GRIP1: variants seen among roughly 807,000 people sequenced by gnomAD.
GRIP1 encodes glutamate receptor-interacting protein 1.
A neutral mutation model predicts 129.9 loss-of-function variants in GRIP1; 45 were observed. The observed-to-expected ratio is 0.35, with a 90% CI of 0.27 to 0.44. The LOEUF (loss-of-function observed/expected upper bound fraction) is 0.44. Among genes scored for constraint, GRIP1 ranks in the 20% least tolerant of loss-of-function variants. GRIP1 has a pLI of 1.00. For missense variants in GRIP1, 1,196 were observed against 1,396.8 expected (o/e 0.86, Z 2.29); for synonymous variants, 530 against 520.8 (o/e 1.02, Z -0.24).
intron 2 of GRIP1, among the ~76,000 whole-genome samples, chr12:66,543,369 G>A (rs540846093): frequency 3.3e-5 from 5 of 152,298 alleles, no homozygotes; most frequent in South Asian, 2.1e-4. Flanking sequence ...GAGTCTGAGC[G>A]TGTATGATGT....
At chr12:66,481,856 C>A (rs533647318) in intron 7 of GRIP1, among the ~76,000 whole-genome samples, 1 of 151,898 alleles carries the variant, frequency 6.6e-6, no homozygotes, top group African/African-American at 2.4e-5. Context: ...GAACAGGAAA[C>A]CAAACACCGC....
At chr12:67,027,853 G>T (rs921679332) in intron 1 of GRIP1, among the ~76,000 whole-genome samples, 1 of 152,196 alleles carries the variant, frequency 6.6e-6, no homozygotes, top group Non-Finnish European at 1.5e-5. Flanking sequence ...TAAAAAAACA[G>T]TTGAAACCTC....
intron 24 of GRIP1, among the ~76,000 whole-genome samples, chr12:66,352,266 C>T (rs1008277737): frequency 6.6e-5 from 10 of 152,158 alleles, no homozygotes; most frequent in South Asian, 2.1e-4. Flanking sequence ...CCCTTTTAGA[C>T]GGAGTGGTTT....
chr12:66,427,034 ACTAAGGT>A (rs1318896470), intron 14 of GRIP1, among the ~76,000 whole-genome samples: 24 of 152,084 alleles, frequency 1.6e-4, no homozygotes, highest in African/African-American at 5.3e-4. Flanking sequence ...GCATCTAAAG[ACTAAGGT>A]CATTCTTAGC....
intron 1 of GRIP1, among the ~76,000 whole-genome samples, chr12:66,789,607 G>A (rs572785755): frequency 3.5e-4 from 52 of 150,478 alleles, no homozygotes; most frequent in African/African-American, 1.2e-3. Flanking sequence ...TAATTAATTT[G>A]CTGTTTACTG....
intron 1 of GRIP1, among the ~76,000 whole-genome samples, chr12:66,599,793 AC>A (rs1438716693): frequency 1.3e-5 from 2 of 152,200 alleles, no homozygotes; most frequent in Non-Finnish European, 2.9e-5. Flanking sequence ...GATAATCTAG[AC>A]CACTCTTTCA....
chr12:66,454,266 G>A (rs2058889699), intron 11 of GRIP1, among the ~76,000 whole-genome samples: 1 of 152,192 alleles, frequency 6.6e-6, no homozygotes, highest in South Asian at 2.1e-4. Flanking sequence ...TTGCAAACAA[G>A]CTGAAAAGCC....
chr12:66,975,140 G>T (rs1465306020), intron 1 of GRIP1, among the ~76,000 whole-genome samples: 3 of 152,114 alleles, frequency 2.0e-5, no homozygotes, highest in Non-Finnish European at 4.4e-5. Flanking sequence ...AAAAAGGCAG[G>T]AATATTCCTA....
intron 9 of GRIP1, among the ~76,000 whole-genome samples, chr12:66,461,874 T>C (rs2059146588): frequency 6.6e-6 from 1 of 152,202 alleles, no homozygotes; most frequent in African/African-American, 2.4e-5. Context: ...TTATCCTCCT[T>C]CAGGCCACCC....
intron 1 of GRIP1, among the ~76,000 whole-genome samples, chr12:66,815,668 G>A (rs1220913409): frequency 6.6e-6 from 1 of 152,090 alleles, no homozygotes. Flanking sequence ...GGAGGCTAAA[G>A]TGGGAGGATT....
intron 1 of GRIP1, among the ~76,000 whole-genome samples, chr12:66,662,368 A>C (rs2033561453): frequency 6.6e-6 from 1 of 152,138 alleles, no homozygotes; most frequent in African/African-American, 2.4e-5. Context: ...AAGTCTATAC[A>C]AGTTAAACAC....
At chr12:66,525,708 G>A (rs950119569) in intron 5 of GRIP1, among the ~76,000 whole-genome samples, 8 of 152,016 alleles carry the variant, frequency 5.3e-5, no homozygotes, top group Non-Finnish European at 1.2e-4. Flanking sequence ...AGGAAATAAA[G>A]GGTATTCAAT....
chr12:66,769,968 G>T (rs1366585319), intron 1 of GRIP1, among the ~76,000 whole-genome samples: 1 of 152,166 alleles, frequency 6.6e-6, no homozygotes, highest in East Asian at 1.9e-4. Flanking sequence ...ACAACTGTTG[G>T]AGCTATTCAA....
At chr12:66,607,922 G>C (rs2064610407) in intron 1 of GRIP1, among the ~76,000 whole-genome samples, 1 of 152,020 alleles carries the variant, frequency 6.6e-6, no homozygotes, top group Admixed American at 6.6e-5. Context: ...CTTTAGTTTT[G>C]AAAATTCCCA....
intron 1 of GRIP1, among the ~76,000 whole-genome samples, chr12:66,666,670 A>T (rs2033812622): frequency 6.6e-6 from 1 of 152,148 alleles, no homozygotes; most frequent in Middle Eastern, 3.2e-3. Context: ...AATTAGATCC[A>T]CAGCTTCTCG....
At chr12:66,588,383 G>A (rs573149447) in intron 2 of GRIP1, among the ~76,000 whole-genome samples, 2 of 152,176 alleles carry the variant, frequency 1.3e-5, no homozygotes, top group South Asian at 4.2e-4. Context: ...CTAATTGAGG[G>A]CTCTAGTCAA....
intron 5 of GRIP1, among the ~76,000 whole-genome samples, chr12:66,524,908 G>A (rs779920185): frequency 1.3e-5 from 2 of 152,258 alleles, no homozygotes; most frequent in Middle Eastern, 3.4e-3. Flanking sequence ...ATACCTCTAC[G>A]CAAATAAACT....
At chr12:67,007,462 G>A (rs2042643048) in intron 1 of GRIP1, among the ~76,000 whole-genome samples, 1 of 152,078 alleles carries the variant, frequency 6.6e-6, no homozygotes, top group South Asian at 2.1e-4. Flanking sequence ...GTAATGCAAA[G>A]AAATAACTCC....
At chr12:67,023,980 C>T (rs2042904733) in intron 1 of GRIP1, among the ~76,000 whole-genome samples, 1 of 151,952 alleles carries the variant, frequency 6.6e-6, no homozygotes, top group African/African-American at 2.4e-5. Flanking sequence ...ATTAGCTCCC[C>T]CGTTTTCTTG....
Sources: allele counts gnomAD v4.1 joint callset (sites outside exome capture counted in the v4.1 genomes callset), GRCh38; gene constraint gnomAD v4.1.1; transcripts MANE v1.5; gene names NCBI Gene and HGNC (gene_info 2026-07-23, HGNC 2026-07-21).